Variants in TGM6 observed in about 807,000 individuals in gnomAD.
TGM6 encodes transglutaminase 6, also known as protein-glutamine gamma-glutamyltransferase 6.
A neutral mutation model predicts 77.5 loss-of-function variants in TGM6; 74 were observed. That is an observed-to-expected ratio of 0.96 (90% CI 0.79 to 1.16). The LOEUF is 1.16. TGM6 is among the 50% of genes most tolerant of loss of function. The pLI, the probability that TGM6 is intolerant of heterozygous loss-of-function variation, is 0.00. For synonymous variants in TGM6, 383 were observed against 378.9 expected (o/e 1.01, Z -0.12); for missense variants, 968 against 940.2 (o/e 1.03, Z -0.39).
chr20:2,407,615 AAAAAT>A (rs2084761001), intron 9 of TGM6, among the ~76,000 whole-genome samples: 2 of 152,238 alleles, frequency 1.3e-5, no homozygotes, highest in Admixed American at 1.3e-4. Context: ...CTCTGTCTCA[AAAAAT>A]AAAATAAAAT....
intron 1 of TGM6, among the ~76,000 whole-genome samples, chr20:2,382,472 T>G (rs185347396): frequency 1.4e-4 from 22 of 152,326 alleles, no homozygotes; most frequent in Non-Finnish European, 2.9e-4. Flanking sequence ...GGTTAGTTTC[T>G]GAGGAAGGAA....
intron 10 of TGM6, among the ~76,000 whole-genome samples, chr20:2,427,782 G>A (rs1317177017): frequency 1.3e-5 from 2 of 152,110 alleles, no homozygotes; most frequent in Non-Finnish European, 2.9e-5. Flanking sequence ...TTCAGACAGA[G>A]TCTCGTTCTG....
At chr20:2,405,317 G>A (rs777483476) in intron 9 of TGM6, among the ~76,000 whole-genome samples, 1 of 152,184 alleles carries the variant, frequency 6.6e-6, no homozygotes, top group Non-Finnish European at 1.5e-5. Context: ...CAGATTCAAG[G>A]GGTGGGAAGT....
At chr20:2,426,927 C>T (rs2084891738) in intron 10 of TGM6, among the ~76,000 whole-genome samples, 1 of 152,050 alleles carries the variant, frequency 6.6e-6, no homozygotes, top group African/African-American at 2.4e-5. Context: ...GGAATTTTTG[C>T]ATCTATGTTC....
intron 1 of TGM6, among the ~76,000 whole-genome samples, chr20:2,393,428 C>T (rs771487362): frequency 6.6e-6 from 1 of 152,154 alleles, no homozygotes; most frequent in Non-Finnish European, 1.5e-5. Context: ...AGGAAAGCTG[C>T]GACACGCCTT....
chr20:2,386,188 G>C (rs183903286), intron 1 of TGM6, among the ~76,000 whole-genome samples: 1 of 152,148 alleles, frequency 6.6e-6, no homozygotes, highest in Non-Finnish European at 1.5e-5. Flanking sequence ...AGGACAGAAC[G>C]TATCTGAAAT....
intron 9 of TGM6, among the ~76,000 whole-genome samples, chr20:2,404,776 G>A (rs940011360): frequency 4.6e-5 from 7 of 152,050 alleles, no homozygotes; most frequent in African/African-American, 1.4e-4. Context: ...AAGTAGCTGG[G>A]ATTACAGGTG....
At chr20:2,401,574 C>A (rs2084709657) in intron 7 of TGM6, among the ~76,000 whole-genome samples, 2 of 152,344 alleles carry the variant, frequency 1.3e-5, no homozygotes, top group South Asian at 2.1e-4. Flanking sequence ...ACCCACCAAG[C>A]ACCTAGTCTG....
chr20:2,390,467 C>A (rs1242841517), intron 1 of TGM6, among the ~76,000 whole-genome samples: 4 of 152,182 alleles, frequency 2.6e-5, no homozygotes, highest in African/African-American at 7.2e-5. Context: ...TGTTTGTGTG[C>A]CCTTTGGCAA....
chr20:2,382,315 T>G (rs3865536), intron 1 of TGM6, among the ~76,000 whole-genome samples: 113,936 of 152,066 alleles, frequency 0.75, 43,122 homozygotes, highest in African/African-American at 0.81. Context: ...GACTGCCTGT[T>G]TCCAGAGCTG....
At chr20:2,385,621 A>C (rs1467923631) in intron 1 of TGM6, among the ~76,000 whole-genome samples, 1 of 151,746 alleles carries the variant, frequency 6.6e-6, no homozygotes, top group Non-Finnish European at 1.5e-5. Context: ...GAAGTTAAGA[A>C]GGAAAGGCAG....
At position 2,403,935 on chromosome 20, in the gene TGM6, C is replaced by G. The variant is rs1361883003; in HGVS notation, c.1336+112C>G. ...CCTCACCCCATGTATATGACGCTGA[C>G]AGCAGCTTCCATTCACGTTGTCTCT... On this transcript the variant is annotated intron_variant, in intron 9 of 12. Transcript: ENST00000202625. The G allele has an allele frequency of 5.2e-6, 8 of 1,551,220 alleles. No homozygotes were observed. The African/African-American group carries it at 9.5e-5, about 18-fold the overall frequency.
chr20:2,396,129 A>G (rs917927209), intron 3 of TGM6, among the ~76,000 whole-genome samples: 9 of 151,516 alleles, frequency 5.9e-5, no homozygotes, highest in Admixed American at 2.6e-4. Flanking sequence ...GCAGTGAGCC[A>G]AGATTGCGCC....
At chr20:2,416,458 A>G (rs1338971223) in intron 9 of TGM6, among the ~76,000 whole-genome samples, 5 of 152,212 alleles carry the variant, frequency 3.3e-5, no homozygotes, top group Non-Finnish European at 7.3e-5. Context: ...CTGTATACCC[A>G]CATGCAAAAG....
At position 2,388,750 on chromosome 20, in the gene TGM6, G is replaced by A. The variant is rs533060635; in HGVS notation, c.8-5702G>A. On this transcript the variant is annotated intron_variant, in intron 1 of 12. Coordinates refer to ENST00000202625, the MANE Select transcript of TGM6 (RefSeq NM_198994.3). ...ATGAGCTAATATTTATAAAATATTT[G>A]GAAAAGCACTTGGTTCATAGGAAGA... Among the ~76,000 whole-genome samples the A allele has an allele frequency of 6.6e-5, 10 of 152,172 alleles. No individual in the cohort carries two copies. The South Asian group carries it at 2.1e-3, about 32-fold the overall frequency.
intron 1 of TGM6, among the ~76,000 whole-genome samples, chr20:2,394,244 A>C (rs1285909478): frequency 6.6e-6 from 1 of 152,218 alleles, no homozygotes; most frequent in East Asian, 1.9e-4. Flanking sequence ...CGGTGAATTG[A>C]GATCACGCCA....
At chr20:2,396,044 G>A (rs2084662977) in intron 3 of TGM6, among the ~76,000 whole-genome samples, 1 of 152,016 alleles carries the variant, frequency 6.6e-6, no homozygotes, top group South Asian at 2.1e-4. Context: ...GCCAGCTGTG[G>A]TGGCACACGC....
chr20:2,402,110 G>C (rs1369549508), intron 7 of TGM6, among the ~76,000 whole-genome samples: 1 of 152,088 alleles, frequency 6.6e-6, no homozygotes, highest in East Asian at 1.9e-4. Flanking sequence ...GCCGGGTGTG[G>C]TGACACACAC....
Position 2,403,431 on chromosome 20 carries a change from C to T in TGM6, c.1024C>T (p.Arg342Trp), listed in dbSNP as rs150566697. The change falls in exon 8 of 13, where the codon CGG becomes TGG. Residue 342 changes from arginine (R) to tryptophan (W), a missense_variant. Physicochemically the swap from Arg to Trp is moderately radical, Grantham distance 101. Transcript: ENST00000202625. ...TGTCTGGAATGAGAGCTGGTTTGCCCGGCAGGACCTAGGCCCCTCTTACAA... is the reference window on the plus strand; with the variant it reads ...TGTCTGGAATGAGAGCTGGTTTGCCTGGCAGGACCTAGGCCCCTCTTACAA... ...FHVWNESWFA[R>W]QDLGPSYNGW... 143 of 1,614,114 alleles carry T rather than the reference C, an allele frequency of 8.9e-5. 2 individuals are homozygous for T. The highest frequency in any genetic ancestry group is 8.2e-4 in the Middle Eastern group (5 of 6,062).
Sources: allele counts gnomAD v4.1 joint callset (sites outside exome capture counted in the v4.1 genomes callset), GRCh38; gene constraint gnomAD v4.1.1; transcripts MANE v1.5; gene names NCBI Gene and HGNC (gene_info 2026-07-23, HGNC 2026-07-21).